Variants in SHISA9 observed in about 807,000 individuals in gnomAD.
The protein encoded by SHISA9 is protein shisa-9.
In SHISA9, 13 loss-of-function variants were observed where a neutral mutation model predicts 38.0. That is an observed-to-expected ratio of 0.34 (90% CI 0.22 to 0.54). The LOEUF is 0.54. Ranked by LOEUF, SHISA9 falls within the 20% of genes least tolerant of loss-of-function variation. The probability of loss-of-function intolerance (pLI) is 0.91; values close to 1 mark genes in which losing one functional copy is unlikely to be tolerated. For synonymous variants in SHISA9, 275 were observed against 242.0 expected, an observed-to-expected ratio of 1.14 and a Z score of -1.27; for missense variants, 538 against 575.8, an observed-to-expected ratio of 0.93 and a Z score of 0.67.
chr16:12,916,889 G>C, intron 2 of SHISA9, 74 bp downstream of exon 2: 7 of 1,499,674 alleles, frequency 4.7e-6, no homozygotes, highest in Non-Finnish European at 6.2e-6. Flanking sequence ...CAGATTTCGT[G>C]GAGTGTGCTT....
At chr16:13,283,197 G>T in the SHISA9 span, among the ~76,000 whole-genome samples, 1 of 151,998 alleles carries the variant, frequency 6.6e-6, no homozygotes, top group Non-Finnish European at 1.5e-5. Context: ...TGCAACTTTG[G>T]CTTTACATTT....
intron 4 of SHISA9, among the ~76,000 whole-genome samples, chr16:13,230,073 C>A (rs16961458): frequency 0.17 from 25,966 of 152,164 alleles, 2,511 homozygotes; most frequent in Admixed American, 0.3. Flanking sequence ...TTTCAGGGAG[C>A]AAACTAGGCC....
the SHISA9 span, among the ~76,000 whole-genome samples, chr16:13,298,384 T>G: frequency 6.6e-6 from 1 of 152,204 alleles, no homozygotes; most frequent in African/African-American, 2.4e-5. Flanking sequence ...TCAATATTAT[T>G]ATCAATAATA....
In SHISA9 at chr16:12,941,365, A is replaced by G. The variant is rs1046159809; in HGVS notation, c.691+24550A>G. Among the ~76,000 whole-genome samples the G allele has an allele frequency of 9.2e-5, 14 of 152,234 alleles. No individual in the cohort carries two copies. In the South Asian group the frequency reaches 2.7e-3, roughly 29 times the overall value. ...GATTCCATCTAAAAAAAATAATTTAATTGTTATATTTTAATGTTTTTGATA... is the reference window on the plus strand; with the variant it reads ...GATTCCATCTAAAAAAAATAATTTAGTTGTTATATTTTAATGTTTTTGATA... On this transcript the variant is annotated intron_variant, in intron 2 of 4. Transcript: ENST00000558583.
At chr16:13,249,064 G>T in the SHISA9 span, among the ~76,000 whole-genome samples, 21 of 152,282 alleles carry the variant, frequency 1.4e-4, 1 homozygote, top group Admixed American at 1.3e-3. Context: ...CTCAGGTGCT[G>T]GTGGTTGGAA....
chr16:13,035,081 C>A (rs1423169488), intron 2 of SHISA9, among the ~76,000 whole-genome samples: 1 of 151,946 alleles, frequency 6.6e-6, no homozygotes, highest in Non-Finnish European at 1.5e-5. Context: ...AAATCTTTGC[C>A]CACTTAAATC....
Position 12,923,841 on chromosome 16 carries a change from C to CA in SHISA9, c.691+7038dup, listed in dbSNP as rs1176140957. Among the ~76,000 whole-genome samples the CA allele has an allele frequency of 4.9e-3, 690 of 139,544 alleles. 6 individuals are homozygous for CA. Among genetic ancestry groups the CA allele is most frequent in the Middle Eastern group, 0.023 (6 of 262 alleles). 91.5% of individuals were successfully genotyped at this position (139,544 alleles called of 152,430 possible). A position where few individuals can be genotyped will look rare whatever the true frequency, so the allele number is the denominator to read the frequency against. On this transcript the variant is annotated intron_variant, in intron 2 of 4. Transcript: ENST00000558583. ...GGGCAACAGAGCAAGACTCCATCTCCAAAAAAAAAAAATTAGAGGAGTTAT... is the reference window on the plus strand; with the variant it reads ...GGGCAACAGAGCAAGACTCCATCTCCAAAAAAAAAAAAATTAGAGGAGTTAT...
the SHISA9 span, among the ~76,000 whole-genome samples, chr16:13,466,916 A>G: frequency 6.6e-6 from 1 of 152,164 alleles, no homozygotes; most frequent in Non-Finnish European, 1.5e-5. Context: ...TCACTCAAGA[A>G]CTTTACCTCC....
chr16:13,014,016 A>ACCGGG (rs898856245), intron 2 of SHISA9, among the ~76,000 whole-genome samples: 10 of 152,174 alleles, frequency 6.6e-5, no homozygotes, highest in African/African-American at 2.4e-4. Context: ...GGCGTGAACC[A>ACCGGG]CCGGGCCTGG....
At chr16:13,341,236 C>A in the SHISA9 span, among the ~76,000 whole-genome samples, 30 of 151,408 alleles carry the variant, frequency 2.0e-4, 1 homozygote, top group East Asian at 5.5e-3. Flanking sequence ...GTCCACAAAC[C>A]ACTGCTGCTG....
In SHISA9 at chr16:12,902,154, G is replaced by T; in HGVS notation, c.90G>T (p.Gly30=). ...GGGCGCAGGAGCGAGCGGGACACGG[G>T]CAGCTGGCGCAACTGGGCGGCGTGT... ...VCRAQERAGH[G]QLAQLGGVLL... is the part of the protein sequence containing the mutation. The change falls in exon 1 of 5, where the codon GGG becomes GGT. Residue 30 remains glycine, a synonymous_variant. Coordinates refer to ENST00000558583, the MANE Select transcript of SHISA9 (RefSeq NM_001145204.3). 6.6e-7 allele frequency: 1 copy of T among 1,526,424 alleles called. No individual in the cohort carries two copies. The highest frequency in any genetic ancestry group is 8.8e-7 in the Non-Finnish European group (1 of 1,142,702). 94.6% of individuals were successfully genotyped at this position (1,526,424 alleles called of 1,614,324 possible).
At chr16:12,928,013 A>G (rs2071415108) in intron 2 of SHISA9, among the ~76,000 whole-genome samples, 1 of 152,234 alleles carries the variant, frequency 6.6e-6, no homozygotes, top group South Asian at 2.1e-4. Flanking sequence ...GTAAAAAGAA[A>G]CTACTTAAAA....
At chr16:13,253,214 C>T in the SHISA9 span, among the ~76,000 whole-genome samples, 102,868 of 152,136 alleles carry the variant, frequency 0.68, 35,550 homozygotes, top group African/African-American at 0.82. Context: ...TAATAGGCTA[C>T]TACTAGTTAA....
the SHISA9 span, among the ~76,000 whole-genome samples, chr16:13,263,864 A>G: frequency 2.0e-5 from 3 of 152,348 alleles, no homozygotes; most frequent in Non-Finnish European, 2.9e-5. Flanking sequence ...TTGTGATTCT[A>G]TAAATAATTC....
chr16:13,122,311 C>T (rs759204045), intron 2 of SHISA9, among the ~76,000 whole-genome samples: 39 of 152,184 alleles, frequency 2.6e-4, no homozygotes, highest in Non-Finnish European at 3.5e-4. Flanking sequence ...CTTTAGGACA[C>T]GGCCACTTCT....
chr16:13,368,920 T>C, the SHISA9 span, among the ~76,000 whole-genome samples: 3 of 152,208 alleles, frequency 2.0e-5, no homozygotes, highest in Non-Finnish European at 2.9e-5. Context: ...AAAATGTTTT[T>C]TCCTGGTAAG....
chr16:13,257,307 A>C, the SHISA9 span, among the ~76,000 whole-genome samples: 1 of 152,178 alleles, frequency 6.6e-6, no homozygotes, highest in Non-Finnish European at 1.5e-5. Context: ...AAGCTGATCA[A>C]GTTGTGCCTG....
chr16:13,487,021 G>T, the SHISA9 span, among the ~76,000 whole-genome samples: 1 of 152,132 alleles, frequency 6.6e-6, no homozygotes, highest in Non-Finnish European at 1.5e-5. Context: ...TTCCCTTAAA[G>T]ATATTTGCTT....
the SHISA9 span, among the ~76,000 whole-genome samples, chr16:13,475,335 C>CATAAATATTTATATATATGTG: frequency 4.7e-5 from 7 of 150,514 alleles, no homozygotes; most frequent in Non-Finnish European, 1.0e-4. Context: ...ATATATATCA[C>CATAAATATTTATATATATGTG]ATATATATGT....
Sources: allele counts gnomAD v4.1 joint callset (sites outside exome capture counted in the v4.1 genomes callset), GRCh38; gene constraint gnomAD v4.1.1; transcripts MANE v1.5; gene names NCBI Gene and HGNC (gene_info 2026-07-23, HGNC 2026-07-21).